The following ZSCAN5A variants were observed in gnomAD, a reference collection of about 807,000 sequenced individuals.
The protein encoded by ZSCAN5A is zinc finger and SCAN domain containing 5A, also known as zinc finger and SCAN domain-containing protein 5A.
A neutral mutation model predicts 23.7 loss-of-function variants in ZSCAN5A; 12 were observed. That is an observed-to-expected ratio of 0.51 (90% CI 0.32 to 0.82). The LOEUF is 0.82. Ranked by LOEUF, ZSCAN5A falls within the 40% of genes least tolerant of loss-of-function variation. The pLI is 0.03. For missense variants in ZSCAN5A, 597 were observed against 617.9 expected, an observed-to-expected ratio of 0.97 and a Z score of 0.36; for synonymous variants, 257 against 239.9, an observed-to-expected ratio of 1.07 and a Z score of -0.66.
At chr19:56,287,430 C>T (rs1004511459) in intron 2 of ZSCAN5A, among the ~76,000 whole-genome samples, 17 of 152,260 alleles carry the variant, frequency 1.1e-4, no homozygotes, top group Admixed American at 1.3e-4. Flanking sequence ...ACATTGCCTG[C>T]GGAGCTACAC....
chr19:56,281,611 G>C (rs1027432777), intron 2 of ZSCAN5A: 2 of 704,960 alleles, frequency 2.8e-6, no homozygotes, highest in African/African-American at 1.9e-5. Context: ...AACAGAGATG[G>C]ATGATGTTAA....
chr19:56,293,057 ACACCATCCTGTCCATGCCC>A (rs1302184297), intron 2 of ZSCAN5A, among the ~76,000 whole-genome samples: 7 of 152,274 alleles, frequency 4.6e-5, no homozygotes, highest in African/African-American at 1.7e-4. Flanking sequence ...CAGTTCTGAG[ACACCATCCTGTCCATGCCC>A]CACACCCACC....
intron 2 of ZSCAN5A, among the ~76,000 whole-genome samples, chr19:56,325,055 G>C (rs890519325): frequency 3.3e-5 from 5 of 152,256 alleles, no homozygotes; most frequent in Non-Finnish European, 5.9e-5. Flanking sequence ...GCATGGACGA[G>C]TGTCTGACTC....
intron 2 of ZSCAN5A, among the ~76,000 whole-genome samples, chr19:56,322,958 G>A (rs1386151189): frequency 4.8e-5 from 7 of 146,428 alleles, no homozygotes; most frequent in Non-Finnish European, 6.0e-5. Context: ...GCAGTGGCGC[G>A]ATCTCTGCTC....
At chr19:56,245,415 C>T (rs776632949) in intron 2 of ZSCAN5A, 18 of 691,882 alleles carry the variant, frequency 2.6e-5, no homozygotes, top group Non-Finnish European at 4.5e-5. Flanking sequence ...CCTGCACTGT[C>T]CAGAAGGCAG....
intron 2 of ZSCAN5A, chr19:56,282,942 T>G (rs2038822820): frequency 6.6e-6 from 1 of 152,220 alleles, no homozygotes. Flanking sequence ...AGACCATGGC[T>G]TTGTCACTGA....
chr19:56,243,080 C>A (rs1275339259), intron 2 of ZSCAN5A, among the ~76,000 whole-genome samples: 4 of 151,990 alleles, frequency 2.6e-5, no homozygotes, highest in Non-Finnish European at 4.4e-5. Context: ...CACCTGGCCT[C>A]AAAAAATCTA....
intron 2 of ZSCAN5A, among the ~76,000 whole-genome samples, chr19:56,331,509 T>G (rs2041488239): frequency 1.3e-5 from 2 of 151,508 alleles, no homozygotes; most frequent in Non-Finnish European, 2.9e-5. Context: ...TAGAGATGTT[T>G]CACCTTCTTG....
chr19:56,225,473 C>CTT, intron 2 of ZSCAN5A: 1 of 159,164 alleles, frequency 6.3e-6, no homozygotes, highest in East Asian at 1.9e-4. Flanking sequence ...TGTGATGCAA[C>CTT]AATAAAGTAA....
rs1166927792 is a variant in ZSCAN5A, at chr19:56,287,231, C to A, written c.-128+26052G>T. Among the ~76,000 whole-genome samples, 3 of 152,240 alleles carry A rather than the reference C, an allele frequency of 2.0e-5. No homozygotes were observed. The South Asian group carries it at 6.2e-4, about 32-fold the overall frequency. ...AGAACTCTCCTCCTTGCCCATCGAC[C>A]TGGAAGTAGAACTCTCCTCCGGGGG... On this transcript the variant is annotated intron_variant, in intron 2 of 5. Transcript: ENST00000683990.
At chr19:56,294,640 C>A (rs1183323457) in intron 2 of ZSCAN5A, among the ~76,000 whole-genome samples, 1 of 152,126 alleles carries the variant, frequency 6.6e-6, no homozygotes, top group Non-Finnish European at 1.5e-5. Flanking sequence ...TGGCTGTGTG[C>A]CAATAAAACT....
intron 2 of ZSCAN5A, among the ~76,000 whole-genome samples, chr19:56,288,339 C>T (rs2039277532): frequency 6.6e-6 from 1 of 152,178 alleles, no homozygotes; most frequent in Non-Finnish European, 1.5e-5. Context: ...TTTCCTGCCT[C>T]CTCTTCCAAA....
Position 56,225,096 on chromosome 19 carries a change from C to A in ZSCAN5A, c.-50G>T. On this transcript the variant is annotated 5_prime_UTR_variant, in exon 3 of 6. Transcript: ENST00000683990. ...GTCTCTGAGAAAGCTCTTCCAGTAG[C>A]TGGTATCTAATTGATACCTATCTAC... The A allele has an allele frequency of 6.5e-7, 1 of 1,528,718 alleles. No individual in the cohort carries two copies. The highest frequency in any genetic ancestry group is 1.3e-5 in the South Asian group (1 of 77,418). 94.7% of individuals were successfully genotyped at this position (1,528,718 alleles called of 1,614,324 possible).
At chr19:56,251,528 G>C (rs138884653) in intron 2 of ZSCAN5A, among the ~76,000 whole-genome samples, 2,004 of 152,264 alleles carry the variant, frequency 0.013, 41 homozygotes, top group African/African-American at 0.043. Context: ...ACGATGGCCT[G>C]CTACCTTCAA....
chr19:56,289,314 G>A (rs1052205891), intron 2 of ZSCAN5A, among the ~76,000 whole-genome samples: 3 of 152,180 alleles, frequency 2.0e-5, no homozygotes, highest in African/African-American at 7.2e-5. Flanking sequence ...GCTCCAATGC[G>A]AGGGAGCTTA....
intron 2 of ZSCAN5A, among the ~76,000 whole-genome samples, chr19:56,254,842 T>G (rs2036588453): frequency 6.6e-6 from 1 of 152,186 alleles, no homozygotes; most frequent in Admixed American, 6.5e-5. Flanking sequence ...GTAGACCTTC[T>G]TTGGAGAAAT....
At chr19:56,227,884 T>C (rs189653759) in intron 2 of ZSCAN5A, among the ~76,000 whole-genome samples, 50 of 151,510 alleles carry the variant, frequency 3.3e-4, no homozygotes, top group Admixed American at 1.8e-3. Flanking sequence ...CGAGACCCCA[T>C]CTCTGCAAAA....
chr19:56,254,817 G>C (rs1299552207), intron 2 of ZSCAN5A, among the ~76,000 whole-genome samples: 1 of 152,092 alleles, frequency 6.6e-6, no homozygotes, highest in African/African-American at 2.4e-5. Flanking sequence ...CTTTTCTTGT[G>C]TCTGTTGGCC....
chr19:56,356,151 T>C (rs2041699181), intron 2 of ZSCAN5A, among the ~76,000 whole-genome samples: 1 of 148,472 alleles, frequency 6.7e-6, no homozygotes, highest in Admixed American at 6.6e-5. Flanking sequence ...ATTTGGTAAC[T>C]GTCTTGTAGC....
Sources: gnomAD v4.1 joint callset for allele counts (sites outside exome capture counted in the v4.1 genomes callset) on GRCh38, gnomAD v4.1.1 for gene constraint, MANE v1.5 for transcripts, NCBI Gene and HGNC (gene_info 2026-07-23, HGNC 2026-07-21) for gene names.